The following PCDH15 variants were observed in gnomAD, a reference collection of about 807,000 sequenced individuals.
PCDH15 encodes the protein protocadherin related 15.
A neutral mutation model predicts 178.5 loss-of-function variants in PCDH15; 129 were observed. The ratio of observed to expected loss-of-function variants is 0.72; its 90% CI spans 0.63 to 0.84. PCDH15 has a LOEUF of 0.84. Among genes scored for constraint, PCDH15 ranks in the 40% least tolerant of loss-of-function variants. PCDH15 has a pLI of 0.00. For missense variants in PCDH15, 2,230 were observed against 2,099.9 expected (o/e 1.06, Z -1.21); for synonymous variants, 800 against 732.0 (o/e 1.09, Z -1.50).
intron 1 of PCDH15, among the ~76,000 whole-genome samples, chr10:54,768,524 G>A (rs961246200): frequency 2.0e-5 from 3 of 152,086 alleles, no homozygotes; most frequent in African/African-American, 7.2e-5. Flanking sequence ...CAGGATTTCA[G>A]AGAAACTAAG....
rs565302905 is a variant in PCDH15 at position 54,170,815 on chromosome 10, G to A, written c.1590+12629C>T. 4.7e-3 allele frequency among the ~76,000 whole-genome samples: 718 copies of A among 151,990 alleles called. 10 individuals are homozygous for A. Among genetic ancestry groups the A allele is most frequent in the African/African-American group, 0.016 (668 of 41,402 alleles). On this transcript the variant is annotated intron_variant, in intron 13 of 37. Coordinates refer to ENST00000644397, the MANE Select transcript of PCDH15 (RefSeq NM_001384140.1). ...ATGCTATAGTACAAGCCACTAGCCC[G>A]CCTCTTAGAACCTCTCATTTCCTTT...
At chr10:55,206,530 G>A (rs1840407928) in intron 1 of PCDH15, among the ~76,000 whole-genome samples, 1 of 152,034 alleles carries the variant, frequency 6.6e-6, no homozygotes, top group Admixed American at 6.6e-5. Context: ...GCAGGCTTGG[G>A]ACTAAAGTAA....
intron 1 of PCDH15, among the ~76,000 whole-genome samples, chr10:54,775,007 C>A (rs1198989253): frequency 1.3e-5 from 2 of 152,104 alleles, no homozygotes; most frequent in Admixed American, 1.3e-4. Flanking sequence ...TCCTTTAAGA[C>A]AATTAGACTG....
chr10:54,024,880 C>A (rs1462468049), intron 18 of PCDH15, among the ~76,000 whole-genome samples: 2 of 151,950 alleles, frequency 1.3e-5, no homozygotes. Context: ...TTTTTTTGGT[C>A]TGAAATTACT....
Position 55,424,133 on chromosome 10 carries a change from T to C in PCDH15, c.-156+203492A>G, listed in dbSNP as rs78577880. The stretch of plus-strand genomic sequence containing the variant: ...CACAAGAAAATGTATGAGAAGATGA[T>C]AGTTATTCCTTCTCCAAAAAGGAAC... On this transcript the variant is annotated intron_variant, in intron 2 of 5. Coordinates refer to the PCDH15 transcript ENST00000613346. Among the ~76,000 whole-genome samples the C allele has an allele frequency of 6.6e-3, 1,000 of 152,142 alleles. 11 individuals carry two copies. The highest frequency in any genetic ancestry group is 0.021 in the African/African-American group (887 of 41,560).
At position 53,884,660 on chromosome 10, in the gene PCDH15, T is replaced by C. The variant is rs866250534; in HGVS notation, c.3502-17803A>G. Among the ~76,000 whole-genome samples, 8 of 152,168 alleles carry C rather than the reference T, an allele frequency of 5.3e-5. No homozygotes were observed. In the East Asian group the frequency reaches 7.7e-4, roughly 15 times the overall value. Reference sequence around the variant, plus strand: ...TCTGTGTAGATACTGTTAAGTCCAGTAGGAATTAGATTAAGACAAGCAGCT... The same window carrying C: ...TCTGTGTAGATACTGTTAAGTCCAGCAGGAATTAGATTAAGACAAGCAGCT... On this transcript the variant is annotated intron_variant, in intron 26 of 37. Transcript: ENST00000644397.
chr10:55,493,288 G>A (rs554563014), intron 2 of PCDH15, among the ~76,000 whole-genome samples: 3 of 151,476 alleles, frequency 2.0e-5, no homozygotes, highest in Admixed American at 6.6e-5. Flanking sequence ...GGGCATGGTC[G>A]CTCATGCCTG....
At chr10:53,913,968 C>T (rs2083338244) in intron 25 of PCDH15, among the ~76,000 whole-genome samples, 6 of 151,406 alleles carry the variant, frequency 4.0e-5, no homozygotes, top group Admixed American at 3.9e-4. Context: ...TGAACAGACA[C>T]TTTTCAAAAG....
At chr10:55,395,168 C>G (rs999552641) in intron 2 of PCDH15, among the ~76,000 whole-genome samples, 1 of 127,926 alleles carries the variant, frequency 7.8e-6, no homozygotes, top group African/African-American at 3.1e-5. Context: ...TATTTAACTG[C>G]GTGTGTGTGT....
intron 2 of PCDH15, among the ~76,000 whole-genome samples, chr10:55,620,363 C>A (rs1843566652): frequency 6.6e-6 from 1 of 151,724 alleles, no homozygotes; most frequent in Non-Finnish European, 1.5e-5. Context: ...TATTTTATAG[C>A]TCTAGTTATA....
intron 25 of PCDH15, among the ~76,000 whole-genome samples, chr10:53,926,807 CT>C (rs1164843260): frequency 6.6e-6 from 1 of 151,918 alleles, no homozygotes; most frequent in African/African-American, 2.4e-5. Context: ...ATGTCTATGT[CT>C]CTTGTATATC....
intron 1 of PCDH15, among the ~76,000 whole-genome samples, chr10:54,736,959 C>CA (rs962113611): frequency 6.6e-6 from 1 of 152,000 alleles, no homozygotes; most frequent in African/African-American, 2.4e-5. Context: ...CCAGGGGGGA[C>CA]AAAATCATAG....
chr10:54,785,204 T>C (rs1950741257), intron 1 of PCDH15, among the ~76,000 whole-genome samples: 1 of 152,070 alleles, frequency 6.6e-6, no homozygotes, highest in Admixed American at 6.6e-5. Context: ...GTTCTCAAAC[T>C]TTTGGTGATC....
chr10:54,416,887 A>AT (rs1415513464), intron 3 of PCDH15, among the ~76,000 whole-genome samples: 1 of 151,958 alleles, frequency 6.6e-6, no homozygotes, highest in African/African-American at 2.4e-5. Context: ...GATGTTGAGC[A>AT]TTTTTTCATG....
intron 2 of PCDH15, among the ~76,000 whole-genome samples, chr10:55,410,710 G>A (rs1204724564): frequency 6.6e-6 from 1 of 152,084 alleles, no homozygotes; most frequent in Non-Finnish European, 1.5e-5. Context: ...AGGCCTGCCA[G>A]CTTTGCTTTC....
At chr10:53,849,860 C>CAAAAAAAAA (rs58458871) in intron 28 of PCDH15, among the ~76,000 whole-genome samples, 23 of 52,706 alleles carry the variant, frequency 4.4e-4, no homozygotes, top group Admixed American at 5.3e-4. Context: ...GGCTCCGTCT[C>CAAAAAAAAA]AAAAAAAAAA....
chr10:54,661,153 T>C (rs2094484973), intron 2 of PCDH15, among the ~76,000 whole-genome samples: 1 of 152,014 alleles, frequency 6.6e-6, no homozygotes, highest in Non-Finnish European at 1.5e-5. Context: ...ACCTTGATAT[T>C]TCCTCCAAAA....
At chr10:53,809,444 T>A in intron 37 of PCDH15, 1 of 1,614,032 alleles carries the variant, frequency 6.2e-7, no homozygotes, top group African/African-American at 1.3e-5. Flanking sequence ...GTTGTGTATG[T>A]AGGCTCAGCT....
chr10:54,039,466 T>C (rs2093491364), intron 18 of PCDH15, among the ~76,000 whole-genome samples: 1 of 151,926 alleles, frequency 6.6e-6, no homozygotes, highest in South Asian at 2.1e-4. Flanking sequence ...AAATCTAAGT[T>C]ACAGAGAATT....
Sources: allele counts gnomAD v4.1 joint callset (sites outside exome capture counted in the v4.1 genomes callset), GRCh38; gene constraint gnomAD v4.1.1; transcripts MANE v1.5; gene names NCBI Gene and HGNC (gene_info 2026-07-23, HGNC 2026-07-21).